Variants in CTIF observed in about 807,000 individuals in gnomAD.
CTIF encodes the protein cap binding complex dependent translation initiation factor.
A neutral mutation model predicts 66.0 loss-of-function variants in CTIF; 21 were observed. The ratio of observed to expected loss-of-function variants is 0.32; its 90% CI spans 0.23 to 0.46. The LOEUF is 0.46. CTIF is among the 20% of genes least tolerant of loss of function. CTIF has a pLI of 1.00. For synonymous variants in CTIF, 345 were observed against 326.4 expected, an observed-to-expected ratio of 1.06 and a Z score of -0.62; for missense variants, 739 against 812.7, an observed-to-expected ratio of 0.91 and a Z score of 1.10.
chr18:48,701,410 T>G (rs1950573851), intron 6 of CTIF, among the ~76,000 whole-genome samples: 1 of 152,220 alleles, frequency 6.6e-6, no homozygotes, highest in African/African-American at 2.4e-5. Flanking sequence ...ATGAACACCA[T>G]GAGCCTAAGT....
intron 9 of CTIF, among the ~76,000 whole-genome samples, chr18:48,800,729 C>T (rs1344082187): frequency 6.6e-6 from 1 of 152,208 alleles, no homozygotes. Context: ...GGGTGGGGAA[C>T]GTGAGACGGT....
chr18:48,610,591 C>T (rs73956954), intron 1 of CTIF, among the ~76,000 whole-genome samples: 16,885 of 152,236 alleles, frequency 0.11, 1,447 homozygotes, highest in African/African-American at 0.25. Context: ...GGCTGCTCTC[C>T]CTTCCTCCCT....
intron 10 of CTIF, among the ~76,000 whole-genome samples, chr18:48,853,860 C>T (rs534699688): frequency 3.9e-5 from 6 of 152,294 alleles, no homozygotes; most frequent in Non-Finnish European, 8.8e-5. Flanking sequence ...AGATTTTGAG[C>T]CAGCAACATG....
At chr18:48,815,741 A>T (rs147709293) in intron 9 of CTIF, among the ~76,000 whole-genome samples, 237 of 152,304 alleles carry the variant, frequency 1.6e-3, no homozygotes, top group African/African-American at 5.1e-3. Context: ...AGGGCCTTCC[A>T]TCTCTGGAGA....
chr18:48,788,513 T>C (rs2067725603), intron 9 of CTIF, among the ~76,000 whole-genome samples: 1 of 133,034 alleles, frequency 7.5e-6, no homozygotes, highest in African/African-American at 2.9e-5. Flanking sequence ...CCTATCTCCC[T>C]GTATCCCAGG....
chr18:48,652,475 A>G (rs142321856), intron 3 of CTIF, among the ~76,000 whole-genome samples: 1,718 of 152,310 alleles, frequency 0.011, 31 homozygotes, highest in African/African-American at 0.038. Context: ...CAGGCTCTCA[A>G]ATTGAGGCAA....
rs1195341131 is a variant in CTIF at position 48,636,675 on chromosome 18, C to T, written c.242C>T (p.Pro81Leu). 4 of 1,599,428 alleles carry T rather than the reference C, an allele frequency of 2.5e-6. No homozygotes were observed. Among genetic ancestry groups the T allele is most frequent in the Non-Finnish European group, 3.4e-6 (4 of 1,174,184 alleles). Residue 81 changes from proline to leucine, a missense_variant, in exon 3 of 12, where the codon CCC becomes CTC. Around this residue, in one of 2 missense-constraint regions of CTIF, gnomAD observed 529 missense variants for 520.3 expected, o/e 1.02. Transcript: ENST00000256413. ...SSCSFSRGRA[P>L]PQQNGSKDNS... Reference sequence around the variant, plus strand: ...TGTTCCTTCTCCCGAGGGCGAGCCCCCCCACAGCAGGTAGGGAACCAGCTC... The same window carrying T: ...TGTTCCTTCTCCCGAGGGCGAGCCCTCCCACAGCAGGTAGGGAACCAGCTC...
At chr18:48,667,082 GAC>G (rs4044188) in intron 5 of CTIF, among the ~76,000 whole-genome samples, 1,534 of 141,972 alleles carry the variant, frequency 0.011, 15 homozygotes, top group African/African-American at 0.026. Context: ...CAGGAAAGTA[GAC>G]ACACACACAC....
chr18:48,666,370 T>C (rs1191115777), intron 5 of CTIF, among the ~76,000 whole-genome samples: 1 of 152,214 alleles, frequency 6.6e-6, no homozygotes, highest in African/African-American at 2.4e-5. Context: ...AGAAATGGGC[T>C]CATTCCTACT....
chr18:48,648,270 G>A (rs976215235), intron 3 of CTIF, among the ~76,000 whole-genome samples: 9 of 152,068 alleles, frequency 5.9e-5, no homozygotes, highest in Admixed American at 6.5e-5. Flanking sequence ...GAGCATGGGG[G>A]AAAAGACAGG....
intron 2 of CTIF, among the ~76,000 whole-genome samples, chr18:48,628,662 C>T (rs1013862412): frequency 5.9e-5 from 9 of 152,120 alleles, no homozygotes; most frequent in Admixed American, 5.9e-4. Context: ...GGGGATGAAG[C>T]GATTTGCCCA....
intron 10 of CTIF, among the ~76,000 whole-genome samples, chr18:48,845,570 C>T (rs2069052330): frequency 6.6e-6 from 1 of 152,136 alleles, no homozygotes; most frequent in African/African-American, 2.4e-5. Flanking sequence ...GGAGCCCCTG[C>T]CGTCTTCTCT....
intron 5 of CTIF, among the ~76,000 whole-genome samples, chr18:48,669,342 A>T (rs2091485909): frequency 6.6e-6 from 1 of 152,158 alleles, no homozygotes; most frequent in Non-Finnish European, 1.5e-5. Flanking sequence ...TTCCTCAGTC[A>T]ATACCAGTAA....
At chr18:48,573,152 C>G (rs1452024074) in intron 1 of CTIF, among the ~76,000 whole-genome samples, 1 of 152,142 alleles carries the variant, frequency 6.6e-6, no homozygotes, top group Admixed American at 6.5e-5. Flanking sequence ...GAAGGCTGCC[C>G]TGGACTGCAC....
At chr18:48,718,719 C>G (rs2092305429) in intron 7 of CTIF, among the ~76,000 whole-genome samples, 1 of 152,168 alleles carries the variant, frequency 6.6e-6, no homozygotes, top group South Asian at 2.1e-4. Context: ...GAAATAATGT[C>G]TTACCAGCTA....
intron 1 of CTIF, chr18:48,564,703 C>T (rs968834098): frequency 1.3e-5 from 2 of 152,204 alleles, no homozygotes; most frequent in South Asian, 2.1e-4. Context: ...ACTGCAGCCT[C>T]GACTTCCTGG....
chr18:48,776,817 C>T (rs1302573451), intron 9 of CTIF, among the ~76,000 whole-genome samples: 2 of 152,206 alleles, frequency 1.3e-5, no homozygotes, highest in Non-Finnish European at 2.9e-5. Context: ...GTTGTTTATC[C>T]CAAACAGGGA....
intron 6 of CTIF, among the ~76,000 whole-genome samples, chr18:48,677,481 C>T (rs1011441414): frequency 6.6e-6 from 1 of 152,220 alleles, no homozygotes; most frequent in Non-Finnish European, 1.5e-5. Context: ...CCAACAGTAA[C>T]ACTAGCGAAC....
At chr18:48,704,185 G>C (rs184429928) in intron 6 of CTIF, among the ~76,000 whole-genome samples, 1 of 152,108 alleles carries the variant, frequency 6.6e-6, no homozygotes, top group Non-Finnish European at 1.5e-5. Flanking sequence ...CCCTGGTACC[G>C]TAGGCCATGT....
Sources: allele counts gnomAD v4.1 joint callset (sites outside exome capture counted in the v4.1 genomes callset), GRCh38; gene constraint gnomAD v4.1.1; regional missense constraint gnomAD v4.1.1; transcripts MANE v1.5; gene names NCBI Gene and HGNC (gene_info 2026-07-23, HGNC 2026-07-21).